ACTN2: variants seen among roughly 807,000 people sequenced by gnomAD.
ACTN2 encodes the protein actinin alpha 2, also known as alpha-actinin-2.
Under a neutral mutation model 113.8 loss-of-function variants are expected in ACTN2, and 39 were observed. That is an observed-to-expected ratio of 0.34 (90% CI 0.27 to 0.45). ACTN2 has a LOEUF of 0.45. ACTN2 is among the 20% of genes least tolerant of loss of function. ACTN2 has a pLI of 1.00. For synonymous variants in ACTN2, 429 were observed against 444.1 expected (o/e 0.97, Z 0.43); for missense variants, 992 against 1,177.9 (o/e 0.84, Z 2.31).
At chr1:236,715,699 T>C (rs1474193059) in intron 1 of ACTN2, among the ~76,000 whole-genome samples, 2 of 152,224 alleles carry the variant, frequency 1.3e-5, no homozygotes, top group Non-Finnish European at 2.9e-5. Context: ...CTCATGCCTG[T>C]AATCCCAGCA....
chr1:236,762,666 G>T lies in ACTN2; in HGVS notation c.*47G>T. 1 of 1,596,888 alleles carries T rather than the reference G, an allele frequency of 6.3e-7. No individual in the cohort carries two copies. Among genetic ancestry groups the T allele is most frequent in the Non-Finnish European group, 8.5e-7 (1 of 1,170,474 alleles). On this transcript the variant is annotated 3_prime_UTR_variant, in exon 21 of 21. Transcript: ENST00000366578. ...CATCCCATCAGAATGCAATAAAAGC[G>T]GAAGTCACAGTTTGTTTCCTGGAAA...
Position 236,720,184 on chromosome 1 carries a change from G to A in ACTN2, c.441G>A (p.Ser147=), listed in dbSNP as rs150182164. Reference sequence around the variant, plus strand: ...TTCGCTTTGCTATTCAGGATATTTCGGTTGAAGGTAAAAGACATGGTTAAA... The same window carrying A: ...TTCGCTTTGCTATTCAGGATATTTCAGTTGAAGGTAAAAGACATGGTTAAA... ...IILRFAIQDI[S]VEETSAKEGL... is the part of the protein sequence containing the mutation. Residue 147 remains serine (S), a synonymous_variant, in exon 4 of 21, where the codon TCG becomes TCA. Coordinates refer to ENST00000366578, the MANE Select transcript of ACTN2 (RefSeq NM_001103.4). 2.1e-4 allele frequency: 339 copies of A among 1,612,532 alleles called. No individual in the cohort carries two copies. In the African/African-American group the frequency reaches 3.4e-3, roughly 16 times the overall value.
chr1:236,726,049 A>G, intron 5 of ACTN2, 29 bp downstream of exon 5: 2 of 1,584,532 alleles, frequency 1.3e-6, no homozygotes, highest in Non-Finnish European at 1.7e-6. Flanking sequence ...TGGTCCTTGT[A>G]TTCTCAGTGG....
intron 1 of ACTN2, among the ~76,000 whole-genome samples, chr1:236,707,173 A>T (rs1657849862): frequency 6.6e-6 from 1 of 152,222 alleles, no homozygotes; most frequent in African/African-American, 2.4e-5. Context: ...ATAGGTAAAA[A>T]AGGATGTTCT....
intron 1 of ACTN2, among the ~76,000 whole-genome samples, chr1:236,709,307 CGT>C (rs1657943605): frequency 1.1e-5 from 1 of 92,488 alleles, no homozygotes; most frequent in Non-Finnish European, 2.2e-5. Context: ...TGTATATATA[CGT>C]ATATATGTAT....
chr1:236,734,612 C>G, intron 7 of ACTN2: 1 of 876,140 alleles, frequency 1.1e-6, no homozygotes, highest in East Asian at 2.8e-5. Context: ...CCCTCTCCTC[C>G]GAGTAAGGAG....
At chr1:236,716,623 T>C (rs140324778) in intron 1 of ACTN2, among the ~76,000 whole-genome samples, 1 of 152,226 alleles carries the variant, frequency 6.6e-6, no homozygotes, top group East Asian at 1.9e-4. Context: ...TGTAGTCCAG[T>C]GCTTGGAATA....
At chr1:236,717,439 C>CCAAAA (rs774236112) in intron 1 of ACTN2, among the ~76,000 whole-genome samples, 1 of 152,072 alleles carries the variant, frequency 6.6e-6, no homozygotes, top group Non-Finnish European at 1.5e-5. Flanking sequence ...GACCCTGTCT[C>CCAAAA]CAAAACAAAA....
chr1:236,690,077 C>T (rs1255191790), intron 1 of ACTN2, among the ~76,000 whole-genome samples: 1 of 152,200 alleles, frequency 6.6e-6, no homozygotes, highest in Non-Finnish European at 1.5e-5. Flanking sequence ...TTAATAGTCC[C>T]TAAAGAAATT....
At chr1:236,727,406 C>T (rs917594572) in intron 5 of ACTN2, among the ~76,000 whole-genome samples, 2 of 152,104 alleles carry the variant, frequency 1.3e-5, no homozygotes, top group African/African-American at 4.8e-5. Context: ...AGAGACATCT[C>T]CCTTCCTGTC....
intron 7 of ACTN2, among the ~76,000 whole-genome samples, chr1:236,732,719 A>G (rs2102912895): frequency 6.6e-6 from 1 of 152,340 alleles, no homozygotes; most frequent in East Asian, 1.9e-4. Flanking sequence ...CACGGATTAC[A>G]GACATAAGCC....
Position 236,737,184 on chromosome 1 carries a change from G to A in ACTN2, c.846G>A (p.Leu282=), listed in dbSNP as rs1241465839. 1 of 1,604,592 alleles carries A rather than the reference G, an allele frequency of 6.2e-7. No homozygotes were observed. The highest frequency in any genetic ancestry group is 8.5e-7 in the Non-Finnish European group (1 of 1,174,068). The change falls in exon 9 of 21, where the codon CTG becomes CTA. Residue 282 remains leucine (L), a synonymous_variant. Coordinates refer to ENST00000366578, the MANE Select transcript of ACTN2 (RefSeq NM_001103.4). ...CTGTGAATCAAGAGAATGAGAGGCT[G>A]ATGGAAGAATATGAGAGGCTAGCGA... ...VLAVNQENER[L]MEEYERLASE...
rs2297861 is a variant in ACTN2, at chr1:236,754,705, T to C, written c.1975-314T>C. On this transcript the variant is annotated intron_variant, in intron 16 of 20. Coordinates refer to ENST00000366578, the MANE Select transcript of ACTN2 (RefSeq NM_001103.4). The surrounding 1 kb of genome is among the most constrained non-coding windows in gnomAD (Gnocchi z 4.9). ...ACCCCCAGCCTCCTCCAGAGCAGGG[T>C]AGCTCTGCCCGAGGGCGTTTCCTTC... Among the ~76,000 whole-genome samples, 142,472 of 152,318 alleles carry C rather than the reference T, an allele frequency of 0.94. 66,661 individuals are homozygous for C. The highest frequency in any genetic ancestry group is 0.95 in the South Asian group (4,575 of 4,826).
In ACTN2 at chr1:236,745,973, C is replaced by T. The variant is rs546177356; in HGVS notation, c.1406+1197C>T. On this transcript the variant is annotated intron_variant, in intron 12 of 20. Coordinates refer to ENST00000366578, the MANE Select transcript of ACTN2 (RefSeq NM_001103.4). ...GGTCAGGAGATCAAGACCATCCTGG[C>T]TAACACGGTGAAACCCCGTATCTAC... Among the ~76,000 whole-genome samples the T allele has an allele frequency of 5.3e-5, 8 of 151,874 alleles. No individual in the cohort carries two copies. The South Asian group carries it at 1.7e-3, about 32-fold the overall frequency.
At chr1:236,709,403 T>C (rs182506229) in intron 1 of ACTN2, among the ~76,000 whole-genome samples, 2 of 147,852 alleles carry the variant, frequency 1.4e-5, no homozygotes, top group Admixed American at 1.4e-4. Context: ...TGGGAAAGGA[T>C]CAGGATGTGA....
chr1:236,753,647 C>T (rs1410858655), intron 15 of ACTN2, among the ~76,000 whole-genome samples: 2 of 152,160 alleles, frequency 1.3e-5, no homozygotes, highest in Non-Finnish European at 2.9e-5. Context: ...GAGCCTCTGG[C>T]TGGAGGAGAA....
chr1:236,717,866 T>C lies in ACTN2; in HGVS notation c.135T>C (p.Thr45=). The C allele has an allele frequency of 6.2e-7, 1 of 1,613,762 alleles. No homozygotes were observed. The highest frequency in any genetic ancestry group is 8.5e-7 in the Non-Finnish European group (1 of 1,179,656). The change falls in exon 2 of 21, where the codon ACT becomes ACC. Residue 45 remains threonine (T), a synonymous_variant. Coordinates refer to ENST00000366578, the MANE Select transcript of ACTN2 (RefSeq NM_001103.4). ...AWEKQQRKTF[T]AWCNSHLRKA... ...TTTGGTTTTCTTTGCAGACCTTCAC[T>C]GCCTGGTGTAACTCCCACCTAAGGA... is the stretch of plus-strand genomic sequence containing the variant.
intron 1 of ACTN2, among the ~76,000 whole-genome samples, chr1:236,708,844 G>A (rs1250111898): frequency 6.6e-6 from 1 of 152,180 alleles, no homozygotes; most frequent in Non-Finnish European, 1.5e-5. Flanking sequence ...AGGGTAAAAC[G>A]GAAATTGCAT....
chr1:236,710,754 C>T (rs1420614571), intron 1 of ACTN2, among the ~76,000 whole-genome samples: 1 of 152,148 alleles, frequency 6.6e-6, no homozygotes, highest in Non-Finnish European at 1.5e-5. Context: ...GTCAGATCAG[C>T]GGCAGCATCA....
Sources: gnomAD v4.1 joint callset for allele counts (sites outside exome capture counted in the v4.1 genomes callset) on GRCh38, gnomAD v4.1.1 for gene constraint, Gnocchi (gnomAD v3.1) non-coding constraint, MANE v1.5 for transcripts, NCBI Gene and HGNC (gene_info 2026-07-23, HGNC 2026-07-21) for gene names.